The following OSMR variants were observed in gnomAD, a reference collection of about 807,000 sequenced individuals.
OSMR encodes the protein oncostatin M receptor, also known as oncostatin-M-specific receptor subunit beta.
Under a neutral mutation model 99.9 loss-of-function variants are expected in OSMR, and 81 were observed. The ratio of observed to expected loss-of-function variants is 0.81; its 90% CI spans 0.68 to 0.97. OSMR has a LOEUF of 0.97. Ranked by LOEUF, OSMR falls within the 50% of genes least tolerant of loss-of-function variation. The probability of loss-of-function intolerance (pLI) is 0.00; values close to 1 mark genes in which losing one functional copy is unlikely to be tolerated. For synonymous variants in OSMR, 406 were observed against 410.4 expected, an observed-to-expected ratio of 0.99 and a Z score of 0.13; for missense variants, 1,099 against 1,153.4, an observed-to-expected ratio of 0.95 and a Z score of 0.68.
At chr5:38,943,775 T>C (rs1433218501) in intron 1 of OSMR, among the ~76,000 whole-genome samples, 1 of 152,018 alleles carries the variant, frequency 6.6e-6, no homozygotes, top group Non-Finnish European at 1.5e-5. Flanking sequence ...ATTGCACCAC[T>C]GCACTCCAGC....
chr5:38,919,111 G>T, intron 11 of OSMR, 49 bp downstream of exon 11: 1 of 1,601,062 alleles, frequency 6.2e-7, no homozygotes, highest in Non-Finnish European at 8.5e-7. Flanking sequence ...GGAAAATGTT[G>T]ATGACGTTAT....
chr5:38,889,677 A>G (rs1467060630), intron 7 of OSMR, among the ~76,000 whole-genome samples: 1 of 152,102 alleles, frequency 6.6e-6, no homozygotes, highest in African/African-American at 2.4e-5. Flanking sequence ...TCACAATATT[A>G]TCTATATGTG....
intron 3 of OSMR, among the ~76,000 whole-genome samples, chr5:38,879,501 A>G (rs1015048049): frequency 6.6e-6 from 1 of 152,144 alleles, no homozygotes; most frequent in Admixed American, 6.5e-5. Context: ...AAGTGGCTGC[A>G]TTTAAGGGAC....
At chr5:38,861,912 C>G (rs1441078151) in intron 1 of OSMR, among the ~76,000 whole-genome samples, 1 of 133,164 alleles carries the variant, frequency 7.5e-6, no homozygotes, top group Non-Finnish European at 1.6e-5. Flanking sequence ...GGCGGCTGGC[C>G]GGGCGGGGGG....
chr5:38,899,543 C>G (rs2112510956), intron 7 of OSMR, among the ~76,000 whole-genome samples: 1 of 152,280 alleles, frequency 6.6e-6, no homozygotes, highest in East Asian at 1.9e-4. Flanking sequence ...GTCTCAGAGT[C>G]TCACCCAAGG....
At position 38,933,493 on chromosome 5, in the gene OSMR, A is replaced by G. The variant is rs762212692; in HGVS notation, c.*49A>G. The G allele has an allele frequency of 2.5e-6, 4 of 1,607,986 alleles. No homozygotes were observed. Among genetic ancestry groups the G allele is most frequent in the Middle Eastern group, 1.7e-4 (1 of 6,048 alleles). On this transcript the variant is annotated 3_prime_UTR_variant, in exon 18 of 18. Coordinates refer to ENST00000274276, the MANE Select transcript of OSMR (RefSeq NM_003999.3). ...ATGCTACACAGACATTAAGAAGAGC[A>G]GAGCTGGCACCCTGTCATCACCAGT... is the stretch of plus-strand genomic sequence containing the variant.
At chr5:38,931,065 G>A (rs1315045941) in intron 15 of OSMR, among the ~76,000 whole-genome samples, 1 of 151,968 alleles carries the variant, frequency 6.6e-6, no homozygotes, top group Admixed American at 6.6e-5. Context: ...CCTACCATTA[G>A]TGATTACATT....
chr5:38,937,386 A>ATGAT (rs1747099653), downstream of OSMR, among the ~76,000 whole-genome samples: 1 of 152,240 alleles, frequency 6.6e-6, no homozygotes, highest in African/African-American at 2.4e-5. The surrounding 1 kb of genome is among the most constrained non-coding windows in gnomAD (Gnocchi z 4.0). Flanking sequence ...TTGGGAAAAA[A>ATGAT]TGATATACAG....
chr5:38,938,076 A>G (rs1248492221), downstream of OSMR: 1 of 205,970 alleles, frequency 4.9e-6, no homozygotes, highest in East Asian at 7.4e-5. Flanking sequence ...ATTTGGGGAC[A>G]AATCTTATTT....
rs964052509 is a variant in OSMR at position 38,934,223 on chromosome 5, C to A, written c.*779C>A. ...GACTACCTCAGAACATAAAAAGGAA[C>A]GTATATCACATAATTCCAGTCACAG... On this transcript the variant is annotated 3_prime_UTR_variant, in exon 18 of 18. Coordinates refer to ENST00000274276, the MANE Select transcript of OSMR (RefSeq NM_003999.3). 6.6e-6 allele frequency: 1 copy of A among 152,566 alleles called. No homozygotes were observed. Among genetic ancestry groups the A allele is most frequent in the East Asian group, 1.9e-4 (1 of 5,186 alleles). 9.5% of individuals were successfully genotyped at this position (152,566 alleles called of 1,614,324 possible). A position where few individuals can be genotyped will look rare whatever the true frequency, so the allele number is the denominator to read the frequency against.
chr5:38,862,340 G>A (rs62352590), intron 1 of OSMR, among the ~76,000 whole-genome samples: 1 of 107,452 alleles, frequency 9.3e-6, no homozygotes, highest in Non-Finnish European at 1.9e-5. Context: ...CCGGGCAGAG[G>A]GGCTCCTCAC....
chr5:38,921,035 T>C (rs143164191), intron 11 of OSMR, among the ~76,000 whole-genome samples: 1 of 152,310 alleles, frequency 6.6e-6, no homozygotes, highest in Non-Finnish European at 1.5e-5. Context: ...AGTATTTAGT[T>C]CAGGAGCAAC....
rs897448915 is a variant in OSMR at position 38,876,272 on chromosome 5, C to T, written c.145C>T (p.His49Tyr). 2 of 1,613,276 alleles carry T rather than the reference C, an allele frequency of 1.2e-6. No individual in the cohort carries two copies. Among genetic ancestry groups the T allele is most frequent in the Admixed American group, 1.7e-5 (1 of 59,990 alleles). The part of the protein sequence containing the change: ...VSTNSTRQSL[H>Y]LQWTVHNLPY... ...CACCAATTCTACGCGTCAGAGTTTG[C>T]ACTTACAATGGACTGTCCACAACCT... Residue 49 changes from histidine (H) to tyrosine (Y), a missense_variant, in exon 3 of 18, where the codon CAC (histidine) becomes TAC (tyrosine). Transcript: ENST00000274276.
chr5:38,908,577 G>T (rs112294715), intron 9 of OSMR, among the ~76,000 whole-genome samples: 1 of 152,216 alleles, frequency 6.6e-6, no homozygotes, highest in Non-Finnish European at 1.5e-5. Flanking sequence ...CTAGCCTTGA[G>T]GGGCCAGAGA....
intron 14 of OSMR, 76 bp from the exon 15 acceptor site, chr5:38,925,128 C>T (rs1746413668): frequency 6.3e-7 from 1 of 1,589,870 alleles, no homozygotes. Flanking sequence ...GTGTCCAGCT[C>T]TCTCACAAGA....
At chr5:38,875,258 A>C (rs1742721943) in intron 2 of OSMR, among the ~76,000 whole-genome samples, 1 of 152,246 alleles carries the variant, frequency 6.6e-6, no homozygotes, top group Non-Finnish European at 1.5e-5. Flanking sequence ...TTGAATCAGC[A>C]ATACACAATT....
At position 38,854,980 on chromosome 5, in the gene OSMR, G is replaced by A. The variant is rs532928204; in HGVS notation, c.-14+8593G>A. On this transcript the variant is annotated intron_variant, in intron 1 of 17. Coordinates refer to ENST00000274276, the MANE Select transcript of OSMR (RefSeq NM_003999.3). ...CAGTAGTCGAGAGAGAAAGCCGGCC[G>A]GGTGGATGAGAGAGCTGGCTGCCTT... 1.3e-3 allele frequency among the ~76,000 whole-genome samples: 192 copies of A among 152,276 alleles called. 2 individuals are homozygous for A. The highest frequency in any genetic ancestry group is 3.8e-3 in the African/African-American group (156 of 41,564).
At chr5:38,919,688 G>T in intron 11 of OSMR, 1 of 226,766 alleles carries the variant, frequency 4.4e-6, no homozygotes. Flanking sequence ...TACATACATG[G>T]GCATACATAA....
At position 38,933,567 on chromosome 5, in the gene OSMR, G is replaced by A; in HGVS notation, c.*123G>A. Reference sequence around the variant, plus strand: ...CGATTTGCAGGTCTGGTTTATATAAGACCACTACAGTCTGGCTAGGTTAAA... The same window carrying A: ...CGATTTGCAGGTCTGGTTTATATAAAACCACTACAGTCTGGCTAGGTTAAA... On this transcript the variant is annotated 3_prime_UTR_variant, in exon 18 of 18. Coordinates refer to ENST00000274276, the MANE Select transcript of OSMR (RefSeq NM_003999.3). 1 of 1,053,954 alleles carries A rather than the reference G, an allele frequency of 9.5e-7. No individual in the cohort carries two copies. The allele number at this position is 1,053,954 out of a possible 1,614,324, so 65.3% of individuals were successfully genotyped here. A position where few individuals can be genotyped will look rare whatever the true frequency, so the allele number is the denominator to read the frequency against.
Sources: allele counts gnomAD v4.1 joint callset (sites outside exome capture counted in the v4.1 genomes callset), GRCh38; gene constraint gnomAD v4.1.1; non-coding constraint Gnocchi (gnomAD v3.1); transcripts MANE v1.5; gene names NCBI Gene and HGNC (gene_info 2026-07-23, HGNC 2026-07-21).